Variants in SERTAD2 observed in about 807,000 individuals in gnomAD.
The protein encoded by SERTAD2 is SERTA domain containing 2, also known as SERTA domain-containing protein 2.
Under a neutral mutation model 15.4 loss-of-function variants are expected in SERTAD2, and 2 were observed. The ratio of observed to expected loss-of-function variants is 0.13; its 90% CI spans 0.05 to 0.41. The LOEUF (loss-of-function observed/expected upper bound fraction) is 0.41. Ranked by LOEUF, SERTAD2 falls within the 10% of genes least tolerant of loss-of-function variation. The pLI is 0.99. For synonymous variants in SERTAD2, 180 were observed against 178.0 expected (o/e 1.01, Z -0.09); for missense variants, 333 against 409.7 (o/e 0.81, Z 1.62).
In SERTAD2 at chr2:64,636,416, C is replaced by T. The variant is rs1425254190; in HGVS notation, c.456G>A (p.Thr152=). ...TFCTSQAMQP[T]APTKLSPPAL... ...CTGGAGGTGACAGTTTGGTGGGAGC[C>T]GTGGGCTGCATGGCCTGGGAGGTGC... The change falls in exon 2 of 2, where the codon ACG becomes ACA. Residue 152 remains threonine (T), a synonymous_variant. Coordinates refer to ENST00000313349, the MANE Select transcript of SERTAD2 (RefSeq NM_014755.3). 1.7e-5 allele frequency: 27 copies of T among 1,614,048 alleles called. No individual in the cohort carries two copies. Among genetic ancestry groups the T allele is most frequent in the African/African-American group, 5.3e-5 (4 of 74,914 alleles).
intron 1 of SERTAD2, 46 bp from the exon 2 acceptor site, chr2:64,636,921 G>C (rs781250431): frequency 7.5e-7 from 1 of 1,337,336 alleles, no homozygotes; most frequent in Non-Finnish European, 1.0e-6. Context: ...CATGAAAGCT[G>C]ATTTCTCCCA....
chr2:64,636,539 C>T lies in SERTAD2; in HGVS notation c.333G>A (p.Ala111=), dbSNP rs779794166. 1.2e-5 allele frequency: 19 copies of T among 1,595,782 alleles called. No homozygotes were observed. In the Admixed American group the frequency reaches 1.9e-4, roughly 16 times the overall value. ...GGTCGCAGGGGTGGGAGGACGGGGA[C>T]GCCAGGTGGCTGAAGGCCGGCGGGG... ...REAPPAFSHL[A]SPSSHPCDLG... Residue 111 remains alanine (A), a synonymous_variant, in exon 2 of 2, where the codon GCG becomes GCA. Coordinates refer to ENST00000313349, the MANE Select transcript of SERTAD2 (RefSeq NM_014755.3).
chr2:64,646,403 T>G (rs1423487876), intron 1 of SERTAD2: 1 of 144,910 alleles, frequency 6.9e-6, no homozygotes, highest in African/African-American at 2.5e-5. Context: ...TTTGATAGGG[T>G]TTTTTTTTTT....
rs1187433099 is a variant in SERTAD2, at chr2:64,631,710, TTACAGCCCAAACCTACATGTGAA to T, written c.*4194_*4216del. On this transcript the variant is annotated 3_prime_UTR_variant, in exon 2 of 2. Coordinates refer to ENST00000313349, the MANE Select transcript of SERTAD2 (RefSeq NM_014755.3). ...CATTTAATCTGTCCAATTGTTTAGA[TTACAGCCCAAACCTACATGTGAA>T]TACAGCCATCTGGGTTCCGATGTAA... The T allele has an allele frequency of 1.3e-5, 2 of 152,620 alleles. No homozygotes were observed. The highest frequency in any genetic ancestry group is 2.9e-5 in the Non-Finnish European group (2 of 68,046). The allele number at this position is 152,620 out of a possible 1,614,324, so 9.5% of individuals were successfully genotyped here.
intron 1 of SERTAD2, 113 bp downstream of exon 1, chr2:64,653,507 C>T (rs937013531): frequency 6.5e-6 from 1 of 152,714 alleles, no homozygotes; most frequent in African/African-American, 2.4e-5. Context: ...CCCGGCCCCT[C>T]CTCCGCCCTC....
chr2:64,652,679 T>C (rs1558657669), intron 1 of SERTAD2, among the ~76,000 whole-genome samples: 1 of 152,170 alleles, frequency 6.6e-6, no homozygotes, highest in African/African-American at 2.4e-5. Flanking sequence ...CTGACTGTCC[T>C]CCCCATTCAG....
intron 1 of SERTAD2, among the ~76,000 whole-genome samples, chr2:64,642,734 G>A (rs1443742906): frequency 6.6e-6 from 1 of 152,166 alleles, no homozygotes; most frequent in Non-Finnish European, 1.5e-5. Flanking sequence ...GGGGGCAGGG[G>A]CAGTGTGGGG....
intron 1 of SERTAD2, among the ~76,000 whole-genome samples, chr2:64,650,256 T>C (rs780871911): frequency 1.1e-4 from 16 of 152,124 alleles, no homozygotes; most frequent in Non-Finnish European, 2.1e-4. Context: ...TTAGAAATCA[T>C]ATATTATAAA....
chr2:64,645,389 G>GA (rs779865662), intron 1 of SERTAD2, among the ~76,000 whole-genome samples: 7,027 of 48,180 alleles, frequency 0.15, 222 homozygotes, highest in Non-Finnish European at 0.23. Context: ...AGAAGAAGAA[G>GA]AAGAAAAAAA....
intron 1 of SERTAD2, among the ~76,000 whole-genome samples, chr2:64,638,363 G>A (rs1171875705): frequency 6.6e-6 from 1 of 152,202 alleles, no homozygotes; most frequent in Non-Finnish European, 1.5e-5. Flanking sequence ...CCTTCAAGAG[G>A]CTAAATAGCC....
In SERTAD2 at chr2:64,636,073, T is replaced by C. The variant is rs779140983; in HGVS notation, c.799A>G (p.Thr267Ala). 4.3e-5 allele frequency: 69 copies of C among 1,614,044 alleles called. No individual in the cohort carries two copies. Among genetic ancestry groups the C allele is most frequent in the Middle Eastern group, 1.6e-4 (1 of 6,084 alleles). Residue 267 changes from threonine (T) to alanine (A), a missense_variant, in exon 2 of 2, where the codon ACA (threonine) becomes GCA (alanine). Thr to Ala is a moderately conservative substitution (Grantham distance 58). Transcript: ENST00000313349. ...GACACAGGGGCCATTTTTGAGGCTG[T>C]CCCTGATGAGGAAGTGCAGGGGTCA... ...DFDPCTSSSG[T>A]ASKMAPVSAD...
intron 1 of SERTAD2, among the ~76,000 whole-genome samples, chr2:64,643,861 G>A (rs934590632): frequency 9.1e-5 from 13 of 143,304 alleles, no homozygotes; most frequent in African/African-American, 1.3e-4. Context: ...GTAAAACTCC[G>A]TCTCCAAAAA....
chr2:64,651,037 C>T (rs1019657052), intron 1 of SERTAD2, among the ~76,000 whole-genome samples: 3 of 152,218 alleles, frequency 2.0e-5, no homozygotes, highest in Admixed American at 6.5e-5. Context: ...TACAAAATTT[C>T]TGTTGCCAAG....
intron 1 of SERTAD2, among the ~76,000 whole-genome samples, chr2:64,647,278 A>G (rs981964572): frequency 2.6e-5 from 4 of 152,194 alleles, no homozygotes; most frequent in African/African-American, 4.8e-5. Context: ...AACTATAAAC[A>G]TATCTATATT....
In SERTAD2 at chr2:64,632,375, T is replaced by C. The variant is rs886394593; in HGVS notation, c.*3552A>G. The C allele has an allele frequency of 6.6e-6, 1 of 152,630 alleles. No homozygotes were observed. Among genetic ancestry groups the C allele is most frequent in the Non-Finnish European group, 1.5e-5 (1 of 68,034 alleles). The allele number at this position is 152,630 out of a possible 1,614,324, so 9.5% of individuals were successfully genotyped here. A position where few individuals can be genotyped will look rare whatever the true frequency, so the allele number is the denominator to read the frequency against. ...ATCTGTAAGTTGATACTTTGGCTCT[T>C]TGGAGCTTATTTCATTAAGAAATTT... On this transcript the variant is annotated 3_prime_UTR_variant, in exon 2 of 2. Coordinates refer to ENST00000313349, the MANE Select transcript of SERTAD2 (RefSeq NM_014755.3).
chr2:64,635,956 G>A lies in SERTAD2; in HGVS notation c.916C>T (p.His306Tyr), dbSNP rs749447393. The change falls in exon 2 of 2, where the codon CAC becomes TAC. Residue 306 changes from histidine (H) to tyrosine (Y), a missense_variant. Transcript: ENST00000313349. ...GACCCAACAAGCACCTCCATGATGT[G>A]GTCCAGCTCTGTGAGGTCCATTTTG... ...PFKMDLTELD[H>Y]IMEVLVGS 6.2e-7 allele frequency: 1 copy of A among 1,613,808 alleles called. No homozygotes were observed. The highest frequency in any genetic ancestry group is 8.5e-7 in the Non-Finnish European group (1 of 1,179,788).
chr2:64,653,302 G>T (rs1355198262), intron 1 of SERTAD2, among the ~76,000 whole-genome samples: 1 of 152,146 alleles, frequency 6.6e-6, no homozygotes, highest in Non-Finnish European at 1.5e-5. Context: ...CCCAGCTGTA[G>T]AGGCGACAGC....
chr2:64,636,230 G>A lies in SERTAD2; in HGVS notation c.642C>T (p.Ser214=). 6.2e-7 allele frequency: 1 copy of A among 1,614,164 alleles called. No homozygotes were observed. The highest frequency in any genetic ancestry group is 8.5e-7 in the Non-Finnish European group (1 of 1,180,028). The change falls in exon 2 of 2, where the codon AGC becomes AGT. Residue 214 remains serine, a synonymous_variant. Transcript: ENST00000313349. ...CCATCAGTTTTGAGTCATCTGCGCG[G>A]CTCTCTTGAGGACCGTCGAGTTTCT... ...GTQKLDGPQE[S]RADDSKLMDS... is the part of the protein sequence containing the mutation.
rs983571736 is a variant in SERTAD2 at position 64,633,373 on chromosome 2, C to T, written c.*2554G>A. 1.3e-5 allele frequency: 2 copies of T among 152,322 alleles called. No homozygotes were observed. Among genetic ancestry groups the T allele is most frequent in the Middle Eastern group, 3.4e-3 (1 of 294 alleles). 9.4% of individuals were successfully genotyped at this position (152,322 alleles called of 1,614,324 possible). A position where few individuals can be genotyped will look rare whatever the true frequency, so the allele number is the denominator to read the frequency against. ...AGAGAACCAAGTTTGGGCAACACTT[C>T]TCCGTGCTTATTTGAACTGTTGCCC... On this transcript the variant is annotated 3_prime_UTR_variant, in exon 2 of 2. Transcript: ENST00000313349.
Sources: allele counts gnomAD v4.1 joint callset (sites outside exome capture counted in the v4.1 genomes callset), GRCh38; gene constraint gnomAD v4.1.1; transcripts MANE v1.5; gene names NCBI Gene and HGNC (gene_info 2026-07-23, HGNC 2026-07-21).